MED13L: variants seen among roughly 807,000 people sequenced by gnomAD.
MED13L encodes the protein mediator complex subunit 13L, also known as mediator of RNA polymerase II transcription subunit 13-like.
Under a neutral mutation model 220.9 loss-of-function variants are expected in MED13L, and 7 were observed. The observed-to-expected ratio is 0.03, with a 90% CI of 0.02 to 0.06. MED13L has a LOEUF of 0.06. Among genes scored for constraint, MED13L ranks in the 10% least tolerant of loss-of-function variants. The probability of loss-of-function intolerance (pLI) is 1.00; values close to 1 mark genes in which losing one functional copy is unlikely to be tolerated. For missense variants in MED13L, 1,965 were observed against 2,760.5 expected (o/e 0.71, Z 6.46); for synonymous variants, 1,011 against 1,015.2 (o/e 1.00, Z 0.08).
chr12:115,965,246 T>C (rs1876066352), intron 29 of MED13L, among the ~76,000 whole-genome samples: 1 of 152,232 alleles, frequency 6.6e-6, no homozygotes, highest in African/African-American at 2.4e-5. Context: ...TCCATTTTGT[T>C]GTAGATGATT....
intron 2 of MED13L, among the ~76,000 whole-genome samples, chr12:116,176,837 C>T (rs1336841534): frequency 7.1e-6 from 1 of 141,404 alleles, no homozygotes; most frequent in Non-Finnish European, 1.5e-5. Context: ...AACTCAATGG[C>T]TCTGACCTGT....
intron 17 of MED13L, among the ~76,000 whole-genome samples, chr12:115,989,911 C>G (rs1041564148): frequency 2.0e-5 from 3 of 152,224 alleles, no homozygotes; most frequent in Non-Finnish European, 4.4e-5. Context: ...AATCCATACC[C>G]AGAATTATAG....
At chr12:116,120,495 A>G (rs1422376725) in intron 2 of MED13L, among the ~76,000 whole-genome samples, 1 of 145,794 alleles carries the variant, frequency 6.9e-6, no homozygotes, top group Admixed American at 6.8e-5. Context: ...ACACACACAC[A>G]CACACACACA....
In MED13L at chr12:115,991,186, A is replaced by G. The variant is rs765216049; in HGVS notation, c.3768T>C (p.Cys1256=). The G allele has an allele frequency of 2.5e-6, 4 of 1,614,192 alleles. No homozygotes were observed. Among genetic ancestry groups the G allele is most frequent in the Middle Eastern group, 1.6e-4 (1 of 6,062 alleles). ...ISSNNRQTLP[C]VSWSYDRVQA... ...GCACCCGGTCATAACTCCAGCTTAC[A>G]CAGGGAAGAGTTTGGCGATTGTTAG... The change falls in exon 17 of 31, where the codon TGT becomes TGC. Residue 1256 remains cysteine (C), a synonymous_variant. Transcript: ENST00000281928. This position sits in a 1 kb window ranked among gnomAD's most constrained non-coding sequence, Gnocchi z 7.7.
At chr12:116,033,809 T>A (rs1319764902) in intron 4 of MED13L, among the ~76,000 whole-genome samples, 3 of 152,146 alleles carry the variant, frequency 2.0e-5, no homozygotes, top group African/African-American at 7.2e-5. Flanking sequence ...CAGGAAACTG[T>A]GTTAGAGAAA....
chr12:116,264,991 G>A (rs1368910381), intron 1 of MED13L, among the ~76,000 whole-genome samples: 2 of 152,140 alleles, frequency 1.3e-5, no homozygotes, highest in East Asian at 3.9e-4. Flanking sequence ...AGATTGATTA[G>A]ACAGACAGAC....
rs562867506 is a variant in MED13L at position 116,276,459 on chromosome 12, G to A, written c.72+601C>T. On this transcript the variant is annotated intron_variant, in intron 1 of 30. Coordinates refer to ENST00000281928, the MANE Select transcript of MED13L (RefSeq NM_015335.5). ...CGTCGGCTCGGTGCAATGGCTTTAC[G>A]GCTCTCCAGCATAGTAAGCCCCGAG... 6.0e-5 allele frequency: 77 copies of A among 1,288,914 alleles called. 1 individual carries two copies. The East Asian group carries it at 1.1e-3, about 18-fold the overall frequency. The allele number at this position is 1,288,914 out of a possible 1,614,324, so 79.8% of individuals were successfully genotyped here.
At chr12:116,177,661 T>G (rs12304962) in intron 2 of MED13L, among the ~76,000 whole-genome samples, 170 of 152,320 alleles carry the variant, frequency 1.1e-3, no homozygotes, top group African/African-American at 4.0e-3. Context: ...AAGATAGGCC[T>G]CTTTCATTAA....
At chr12:116,055,430 C>T (rs1053593192) in intron 4 of MED13L, among the ~76,000 whole-genome samples, 2 of 152,156 alleles carry the variant, frequency 1.3e-5, no homozygotes, top group African/African-American at 4.8e-5. Context: ...CTTTCGATCC[C>T]TACTTTCAGA....
chr12:116,268,316 T>C (rs949568160), intron 1 of MED13L, among the ~76,000 whole-genome samples: 3 of 152,246 alleles, frequency 2.0e-5, no homozygotes, highest in African/African-American at 7.2e-5. Context: ...GTTAGATATA[T>C]GTATGTTTTT....
Position 115,975,259 on chromosome 12 carries a change from C to T in MED13L, c.5643G>A (p.Glu1881=). The T allele has an allele frequency of 6.2e-7, 1 of 1,614,142 alleles. No homozygotes were observed. The highest frequency in any genetic ancestry group is 8.5e-7 in the Non-Finnish European group (1 of 1,180,000). The part of the protein sequence containing the change: ...ARKIGLQKLW[E]WCIGIVQMTS... ...TCATTTGGACAATCCCTATGCACCA[C>T]TCCCATAACTTCTGTAGTCCAATTT... is the stretch of plus-strand genomic sequence containing the variant. Residue 1881 remains glutamate (E), a synonymous_variant, in exon 25 of 31, where the codon GAG becomes GAA. Transcript: ENST00000281928.
At chr12:116,177,751 A>C (rs1311082615) in intron 2 of MED13L, among the ~76,000 whole-genome samples, 1 of 152,224 alleles carries the variant, frequency 6.6e-6, no homozygotes, top group African/African-American at 2.4e-5. Context: ...TAACACATTA[A>C]AAGAGTTCAC....
chr12:116,091,222 A>C (rs1217187678), intron 4 of MED13L, among the ~76,000 whole-genome samples: 1 of 152,050 alleles, frequency 6.6e-6, no homozygotes, highest in Non-Finnish European at 1.5e-5. Flanking sequence ...AGGTATTTTC[A>C]ATCCTTCTTG....
chr12:115,975,544 G>A lies in MED13L; in HGVS notation c.5559C>T (p.Thr1853=), dbSNP rs141451756. The part of the protein sequence containing the change: ...CTDLHGELLE[T]CVVNIALPNR... Reference sequence around the variant, plus strand: ...TTGGTAAAGCAATATTTACAACGCAGGTCTCTAATAATTCCCCATGGAGGT... The same window carrying A: ...TTGGTAAAGCAATATTTACAACGCAAGTCTCTAATAATTCCCCATGGAGGT... The change falls in exon 24 of 31, where the codon ACC becomes ACT. Residue 1853 remains threonine, a synonymous_variant. Transcript: ENST00000281928. 4.4e-5 allele frequency: 71 copies of A among 1,614,090 alleles called. No individual in the cohort carries two copies. The African/African-American group carries it at 8.8e-4, about 20-fold the overall frequency.
At chr12:116,210,327 G>T (rs1011995783) in intron 2 of MED13L, among the ~76,000 whole-genome samples, 1 of 151,884 alleles carries the variant, frequency 6.6e-6, no homozygotes, top group African/African-American at 2.4e-5. Context: ...GCTTTGAAAC[G>T]TTGCCACAAT....
intron 1 of MED13L, among the ~76,000 whole-genome samples, chr12:116,256,032 C>T (rs1193663135): frequency 6.6e-6 from 1 of 152,134 alleles, no homozygotes; most frequent in Non-Finnish European, 1.5e-5. Flanking sequence ...TACTACACGC[C>T]ACAAGGATGG....
chr12:115,965,379 C>A (rs1876076425), intron 29 of MED13L, among the ~76,000 whole-genome samples: 1 of 152,148 alleles, frequency 6.6e-6, no homozygotes, highest in Admixed American at 6.6e-5. Flanking sequence ...TTGGGCTATT[C>A]CTTAGAGGTG....
intron 14 of MED13L, 53 bp from the exon 15 acceptor site, chr12:115,997,283 T>C (rs1370004297): frequency 6.7e-7 from 1 of 1,499,618 alleles, no homozygotes; most frequent in Non-Finnish European, 9.2e-7. Flanking sequence ...TTCTAAAAAG[T>C]CCTAGCTTAT....
rs1019178380 is a variant in MED13L, at chr12:115,966,159, C to A, written c.6310G>T (p.Ala2104Ser). 6.2e-7 allele frequency: 1 copy of A among 1,614,146 alleles called. No homozygotes were observed. The change falls in exon 29 of 31, where the codon GCC becomes TCC. Residue 2104 changes from alanine (A) to serine (S), a missense_variant. Ala to Ser is a moderately conservative substitution (Grantham distance 99, BLOSUM62 1). Around this residue, in one of 10 missense-constraint regions of MED13L, gnomAD observed 145 missense variants for 328.3 expected, o/e 0.44. Coordinates refer to ENST00000281928, the MANE Select transcript of MED13L (RefSeq NM_015335.5). ...PLALGYFVSTAKAENLPQWFW... is the reference protein window; with the variant it reads ...PLALGYFVSTSKAENLPQWFW... ...CACTGGGGAAGATTCTCAGCTTTGG[C>A]AGTTGATACAAAATACCCAAGGGCC...
Sources: gnomAD v4.1 joint callset for allele counts (sites outside exome capture counted in the v4.1 genomes callset) on GRCh38, gnomAD v4.1.1 for gene constraint, gnomAD v4.1.1 regional missense constraint, Gnocchi (gnomAD v3.1) non-coding constraint, MANE v1.5 for transcripts, NCBI Gene and HGNC (gene_info 2026-07-23, HGNC 2026-07-21) for gene names.